The following BMP2K variants were observed in gnomAD, a reference collection of about 807,000 sequenced individuals.
BMP2K encodes the protein BMP2 inducible kinase.
Under a neutral mutation model 116.0 loss-of-function variants are expected in BMP2K, and 74 were observed. That is an observed-to-expected ratio of 0.64 (90% confidence interval 0.53 to 0.77). BMP2K has a LOEUF of 0.77. Ranked by LOEUF, BMP2K falls within the 30% of genes least tolerant of loss-of-function variation. The probability of loss-of-function intolerance (pLI) is 0.00; values close to 1 mark genes in which losing one functional copy is unlikely to be tolerated. For synonymous variants in BMP2K, 486 were observed against 502.5 expected (o/e 0.97, Z 0.44); for missense variants, 1,365 against 1,403.6 (o/e 0.97, Z 0.44).
intron 1 of BMP2K, among the ~76,000 whole-genome samples, chr4:78,777,586 A>G (rs1727305421): frequency 6.6e-6 from 1 of 152,240 alleles, no homozygotes; most frequent in Non-Finnish European, 1.5e-5. Context: ...TGCATGCTTC[A>G]TTGGCCTTTG....
At chr4:78,795,725 A>G (rs62310797) in intron 1 of BMP2K, among the ~76,000 whole-genome samples, 26,095 of 151,630 alleles carry the variant, frequency 0.17, 4,689 homozygotes, top group African/African-American at 0.46. Flanking sequence ...AAAAGTGGGC[A>G]AAGGACATGA....
chr4:78,807,234 T>G (rs567093765), intron 1 of BMP2K, among the ~76,000 whole-genome samples: 42 of 152,344 alleles, frequency 2.8e-4, no homozygotes, highest in Non-Finnish European at 4.1e-4. Context: ...TTTAATACGT[T>G]TTATTACATT....
chr4:78,909,087 T>G (rs146508600), intron 15 of BMP2K, among the ~76,000 whole-genome samples: 1,556 of 142,786 alleles, frequency 0.011, 13 homozygotes, highest in Non-Finnish European at 0.018. Flanking sequence ...TTTGAGACAG[T>G]TCGCTCTTTG....
intron 10 of BMP2K, among the ~76,000 whole-genome samples, chr4:78,866,850 C>T (rs1485299927): frequency 2.6e-5 from 4 of 152,050 alleles, no homozygotes; most frequent in African/African-American, 7.2e-5. Context: ...GGGGTTTCAC[C>T]GTGTTGGCAG....
intron 4 of BMP2K, among the ~76,000 whole-genome samples, chr4:78,843,131 T>C (rs1282702570): frequency 6.6e-6 from 1 of 151,966 alleles, no homozygotes; most frequent in Non-Finnish European, 1.5e-5. Context: ...GCTAGAGATA[T>C]AATTTATAAC....
At chr4:78,795,656 A>G (rs1295664689) in intron 1 of BMP2K, among the ~76,000 whole-genome samples, 3 of 152,174 alleles carry the variant, frequency 2.0e-5, no homozygotes, top group African/African-American at 7.2e-5. Flanking sequence ...AAGGGCTAAT[A>G]TCCAGAATCT....
In BMP2K at chr4:78,840,216, G is replaced by T. The variant is rs75410691; in HGVS notation, c.404-2169G>T. Among the ~76,000 whole-genome samples the T allele has an allele frequency of 3.4e-3, 510 of 152,182 alleles. 6 individuals are homozygous for T. Among genetic ancestry groups the T allele is most frequent in the African/African-American group, 0.011 (473 of 41,532 alleles). On this transcript the variant is annotated intron_variant, in intron 3 of 15. Transcript: ENST00000502613. ...AGAGTGTAAAAAGCTTTTGTTTTGG[G>T]TTAATGATACCTCTTTGGAAAATAT...
In BMP2K at chr4:78,913,520, C is replaced by G. The variant is rs1363679733; in HGVS notation, c.*1487C>G. ...TTGGAAGTTTCTAGAACAGTTAATG[C>G]TATTTACAGAAAGGAGTAGAAACTC... On this transcript the variant is annotated 3_prime_UTR_variant, in exon 16 of 16. Coordinates refer to ENST00000502613, the MANE Select transcript of BMP2K (RefSeq NM_198892.2). The G allele has an allele frequency of 2.6e-5, 4 of 152,086 alleles. No individual in the cohort carries two copies. Among genetic ancestry groups the G allele is most frequent in the Non-Finnish European group, 5.9e-5 (4 of 67,978 alleles). 9.4% of individuals were successfully genotyped at this position (152,086 alleles called of 1,614,324 possible).
At chr4:78,859,456 G>A in intron 7 of BMP2K, 128 bp from the exon 8 acceptor site, 1 of 550,074 alleles carries the variant, frequency 1.8e-6, no homozygotes, top group Non-Finnish European at 3.0e-6. Flanking sequence ...CATTAATAAA[G>A]TTTGCTAGAA....
At chr4:78,827,595 C>T (rs989410903) in intron 2 of BMP2K, among the ~76,000 whole-genome samples, 2 of 152,040 alleles carry the variant, frequency 1.3e-5, no homozygotes, top group African/African-American at 4.8e-5. Context: ...GTGACCTTCC[C>T]AATCTGGAAG....
rs762812204 is a variant in BMP2K at position 78,789,937 on chromosome 4, T to C, written c.178+13216T>C. 3.9e-5 allele frequency among the ~76,000 whole-genome samples: 6 copies of C among 152,218 alleles called. No homozygotes were observed. In the East Asian group the frequency reaches 9.6e-4, roughly 24 times the overall value. On this transcript the variant is annotated intron_variant, in intron 1 of 15. Transcript: ENST00000502613. Reference sequence around the variant, plus strand: ...GTTCAAGGTTATGGCGCGTGGAGTCTGAAGTGCTGTAATATCGGATCCCTA... The same window carrying C: ...GTTCAAGGTTATGGCGCGTGGAGTCCGAAGTGCTGTAATATCGGATCCCTA...
intron 7 of BMP2K, among the ~76,000 whole-genome samples, chr4:78,855,372 A>T (rs1413889257): frequency 1.3e-5 from 2 of 152,304 alleles, no homozygotes; most frequent in Non-Finnish European, 2.9e-5. Flanking sequence ...AGGGAAAACC[A>T]AACAAATTTT....
chr4:78,820,477 G>A (rs1729564849), intron 1 of BMP2K, among the ~76,000 whole-genome samples: 1 of 152,114 alleles, frequency 6.6e-6, no homozygotes, highest in African/African-American at 2.4e-5. Context: ...TGATGTGTGT[G>A]TGAATGTGTG....
chr4:78,841,191 A>G (rs1393859861), intron 3 of BMP2K, among the ~76,000 whole-genome samples: 1 of 152,220 alleles, frequency 6.6e-6, no homozygotes, highest in African/African-American at 2.4e-5. Flanking sequence ...CAGTAATAAT[A>G]AAAGGAACAA....
At chr4:78,816,228 C>T (rs188285510) in intron 1 of BMP2K, among the ~76,000 whole-genome samples, 3 of 152,108 alleles carry the variant, frequency 2.0e-5, no homozygotes, top group Non-Finnish European at 2.9e-5. Flanking sequence ...ACTTCATAGG[C>T]GATGCTGTTT....
At chr4:78,825,955 C>T (rs1729848685) in intron 1 of BMP2K, 82 bp from the exon 2 acceptor site, 1 of 1,041,432 alleles carries the variant, frequency 9.6e-7, no homozygotes, top group African/African-American at 1.6e-5. Flanking sequence ...TTATTTTCCT[C>T]CAATATGCTC....
intron 1 of BMP2K, among the ~76,000 whole-genome samples, chr4:78,815,716 C>G (rs961137346): frequency 1.3e-5 from 2 of 152,016 alleles, no homozygotes; most frequent in African/African-American, 4.8e-5. Flanking sequence ...TACATTTTTA[C>G]AACATGTGGG....
intron 15 of BMP2K, among the ~76,000 whole-genome samples, chr4:78,906,937 T>A (rs915954505): frequency 1.3e-5 from 2 of 152,130 alleles, no homozygotes; most frequent in African/African-American, 4.8e-5. Flanking sequence ...TGGGTTAGCT[T>A]TAGTAGCTGT....
chr4:78,800,558 T>C (rs1368805119), intron 1 of BMP2K, among the ~76,000 whole-genome samples: 3 of 152,208 alleles, frequency 2.0e-5, no homozygotes, highest in African/African-American at 7.2e-5. Context: ...TGGAATGTAG[T>C]TATGTCTGTA....
Sources: gnomAD v4.1 joint callset for allele counts (sites outside exome capture counted in the v4.1 genomes callset) on GRCh38, gnomAD v4.1.1 for gene constraint, MANE v1.5 for transcripts, NCBI Gene and HGNC (gene_info 2026-07-23, HGNC 2026-07-21) for gene names.